Variants in GPHN observed in about 807,000 individuals in gnomAD.
GPHN encodes gephyrin.
GPHN carries 17 observed loss-of-function variants against 95.5 expected under a neutral mutation model. That is an observed-to-expected ratio of 0.18 (90% confidence interval 0.12 to 0.27). GPHN has a LOEUF of 0.27. Ranked by LOEUF, GPHN falls within the 10% of genes least tolerant of loss-of-function variation. GPHN has a pLI of 1.00. For missense variants in GPHN, 660 were observed against 978.1 expected, an observed-to-expected ratio of 0.67 and a Z score of 4.34; for synonymous variants, 320 against 322.5, an observed-to-expected ratio of 0.99 and a Z score of 0.08.
the GPHN span, among the ~76,000 whole-genome samples, chr14:67,248,841 A>C: frequency 6.7e-6 from 1 of 150,280 alleles, no homozygotes; most frequent in African/African-American, 2.5e-5. Flanking sequence ...TTTTTTTGAG[A>C]TAGAGATGGG....
At chr14:67,064,266 C>T (rs939924824) in intron 11 of GPHN, among the ~76,000 whole-genome samples, 1 of 152,146 alleles carries the variant, frequency 6.6e-6, no homozygotes, top group African/African-American at 2.4e-5. Flanking sequence ...ACCAGCCTTT[C>T]ATCTCAGGGA....
intron 8 of GPHN, among the ~76,000 whole-genome samples, chr14:66,928,791 G>A (rs1488030863): frequency 6.6e-6 from 1 of 152,000 alleles, no homozygotes; most frequent in East Asian, 1.9e-4. Flanking sequence ...TCTTTCAGGA[G>A]CATATTGTTT....
At chr14:67,041,504 G>A (rs2074703975) in intron 10 of GPHN, among the ~76,000 whole-genome samples, 1 of 152,020 alleles carries the variant, frequency 6.6e-6, no homozygotes, top group African/African-American at 2.4e-5. Context: ...TGCTGAGAAT[G>A]ATGGTCTCCA....
chr14:67,213,370 T>G, the GPHN span, among the ~76,000 whole-genome samples: 1 of 130,964 alleles, frequency 7.6e-6, no homozygotes, highest in South Asian at 2.6e-4. Context: ...TGTGTCCATG[T>G]GTTCTCATTG....
chr14:66,853,606 T>C (rs1457170990), intron 4 of GPHN, among the ~76,000 whole-genome samples: 1 of 152,146 alleles, frequency 6.6e-6, no homozygotes, highest in Non-Finnish European at 1.5e-5. Flanking sequence ...ATGAGACTTA[T>C]TCAATACCAC....
At chr14:67,531,653 C>T in the GPHN span, among the ~76,000 whole-genome samples, 3 of 151,040 alleles carry the variant, frequency 2.0e-5, no homozygotes, top group South Asian at 4.2e-4. Context: ...GGTGGCTCAT[C>T]CCTGTAATCC....
chr14:67,418,347 C>T, the GPHN span, among the ~76,000 whole-genome samples: 1 of 152,184 alleles, frequency 6.6e-6, no homozygotes, highest in East Asian at 1.9e-4. Flanking sequence ...TTCTCTCTTC[C>T]TGTGATGAAA....
chr14:66,856,743 A>G (rs1027388764), intron 4 of GPHN, among the ~76,000 whole-genome samples: 1 of 152,082 alleles, frequency 6.6e-6, no homozygotes, highest in African/African-American at 2.4e-5. Flanking sequence ...TACAGCATCA[A>G]GTTTTTTCTA....
intron 1 of GPHN, among the ~76,000 whole-genome samples, chr14:66,543,051 G>A (rs1325015619): frequency 6.6e-6 from 1 of 152,106 alleles, no homozygotes; most frequent in Non-Finnish European, 1.5e-5. Flanking sequence ...GAGAGTGGGG[G>A]GAGATGGTAC....
At chr14:66,843,010 A>G (rs1003630579) in intron 4 of GPHN, among the ~76,000 whole-genome samples, 3 of 151,818 alleles carry the variant, frequency 2.0e-5, no homozygotes, top group Non-Finnish European at 4.4e-5. Context: ...CTCACTCTCA[A>G]TCTCATCTTT....
the GPHN span, among the ~76,000 whole-genome samples, chr14:67,417,602 A>C: frequency 6.8e-6 from 1 of 147,904 alleles, no homozygotes; most frequent in Non-Finnish European, 1.5e-5. Flanking sequence ...TGGTTAATTA[A>C]AAAAAATTTT....
At chr14:67,562,451 A>G in the GPHN span, 2 of 1,613,824 alleles carry the variant, frequency 1.2e-6, no homozygotes, top group Non-Finnish European at 8.5e-7. Flanking sequence ...GAAGCTTCTT[A>G]CCTTCAGATG....
At chr14:66,676,037 G>A (rs980022175) in intron 1 of GPHN, among the ~76,000 whole-genome samples, 2 of 151,590 alleles carry the variant, frequency 1.3e-5, no homozygotes, top group Non-Finnish European at 2.9e-5. Flanking sequence ...AGGGATATGT[G>A]CAGGTTTGTT....
At chr14:66,789,364 T>G (rs1241165117) in intron 3 of GPHN, among the ~76,000 whole-genome samples, 1 of 152,252 alleles carries the variant, frequency 6.6e-6, no homozygotes, top group East Asian at 1.9e-4. Context: ...GTTACAATGT[T>G]AACTCAGCAA....
chr14:66,896,014 A>T (rs1306997543), intron 5 of GPHN, among the ~76,000 whole-genome samples: 1 of 152,098 alleles, frequency 6.6e-6, no homozygotes, highest in Non-Finnish European at 1.5e-5. Flanking sequence ...GCGTCTGGTG[A>T]ATGCTTCAAA....
chr14:67,225,374 G>C, the GPHN span: 8 of 653,890 alleles, frequency 1.2e-5, no homozygotes, highest in African/African-American at 1.9e-5. Context: ...TTATTCTACT[G>C]TAGTAACAAT....
chr14:67,279,573 G>A, the GPHN span: 272 of 1,497,078 alleles, frequency 1.8e-4, 1 homozygote, highest in South Asian at 3.7e-3. Flanking sequence ...AAAACATTTT[G>A]CTTTAATTTA....
At position 66,773,352 on chromosome 14, in the gene GPHN, C is replaced by CTTT. The variant is rs542180875; in HGVS notation, c.144-3095_144-3093dup. On this transcript the variant is annotated intron_variant, in intron 2 of 22. Coordinates refer to ENST00000478722, the MANE Select transcript of GPHN (RefSeq NM_020806.5). ...TTAGGAATTTTTGATTTGGGGAAAT[C>CTTT]TTTTTTTTTTTTTTTTTTTGAGACG... is the stretch of plus-strand genomic sequence containing the variant. 4.1e-3 allele frequency among the ~76,000 whole-genome samples: 504 copies of CTTT among 121,810 alleles called. 4 individuals carry two copies. The highest frequency in any genetic ancestry group is 0.011 in the African/African-American group (335 of 29,476). 79.9% of individuals were successfully genotyped at this position (121,810 alleles called of 152,430 possible).
the GPHN span, among the ~76,000 whole-genome samples, chr14:67,590,527 T>C: frequency 1.2e-4 from 18 of 152,162 alleles, no homozygotes; most frequent in Admixed American, 3.3e-4. Context: ...CCCAACTAAT[T>C]TTTGTATTTT....
Sources: gnomAD v4.1 joint callset for allele counts (sites outside exome capture counted in the v4.1 genomes callset) on GRCh38, gnomAD v4.1.1 for gene constraint, MANE v1.5 for transcripts, NCBI Gene and HGNC (gene_info 2026-07-23, HGNC 2026-07-21) for gene names.